ECHDC1: variants seen among roughly 807,000 people sequenced by gnomAD.
The protein encoded by ECHDC1 is ethylmalonyl-CoA decarboxylase 1.
A neutral mutation model predicts 29.7 loss-of-function variants in ECHDC1; 29 were observed. The observed-to-expected ratio is 0.98, with a 90% CI of 0.73 to 1.33. The LOEUF (loss-of-function observed/expected upper bound fraction) is 1.33, where lower values mean the gene tolerates loss of function less well. ECHDC1 is among the 40% of genes most tolerant of loss of function. The pLI, the probability that ECHDC1 is intolerant of heterozygous loss-of-function variation, is 0.00. For missense variants in ECHDC1, 328 were observed against 350.0 expected (o/e 0.94, Z 0.50); for synonymous variants, 126 against 123.1 (o/e 1.02, Z -0.15).
intron 5 of ECHDC1, among the ~76,000 whole-genome samples, chr6:127,306,315 A>G (rs1582948735): frequency 1.3e-5 from 2 of 152,294 alleles, no homozygotes; most frequent in East Asian, 3.9e-4. Context: ...ACATTATTAG[A>G]GCTAAAGTGA....
chr6:127,299,447 T>TAAA (rs78172720), intron 5 of ECHDC1, among the ~76,000 whole-genome samples: 3 of 72,752 alleles, frequency 4.1e-5, no homozygotes, highest in East Asian at 3.1e-4. Flanking sequence ...TAGCTTTTAA[T>TAAA]AAAAAAAAAA....
rs1583022645 is a variant in ECHDC1 at position 127,339,604 on chromosome 6, C to T, written c.-3+3732G>A. Among the ~76,000 whole-genome samples the T allele has an allele frequency of 2.0e-5, 3 of 151,898 alleles. No homozygotes were observed. In the East Asian group the frequency reaches 5.8e-4, roughly 29 times the overall value. ...CCTGGCCAACATGGCGAAACCCCAT[C>T]TCTACTAAAAATACAAAAATCAGCC... On this transcript the variant is annotated intron_variant, in intron 1 of 5. Coordinates refer to ENST00000454859, the MANE Select transcript of ECHDC1 (RefSeq NM_001002030.2).
chr6:127,316,982 G>A (rs1383251292), intron 3 of ECHDC1, among the ~76,000 whole-genome samples: 2 of 152,012 alleles, frequency 1.3e-5, no homozygotes, highest in Admixed American at 1.3e-4. Flanking sequence ...CAAACTCATT[G>A]CCTTGTCTTT....
At position 127,305,867 on chromosome 6, in the gene ECHDC1, A is replaced by G. The variant is rs566402181; in HGVS notation, c.497+8949T>C. ...AAATCACTGAGAACATCATCATCAC[A>G]AAAAGGAAGAAGAAAAGAAAGAGAA... On this transcript the variant is annotated intron_variant, in intron 5 of 5. Transcript: ENST00000454859. Among the ~76,000 whole-genome samples the G allele has an allele frequency of 5.3e-5, 8 of 152,194 alleles. No individual in the cohort carries two copies. In the South Asian group the frequency reaches 1.4e-3, roughly 28 times the overall value.
intron 3 of ECHDC1, among the ~76,000 whole-genome samples, chr6:127,322,026 C>G (rs1412602338): frequency 2.6e-5 from 4 of 151,900 alleles, no homozygotes; most frequent in Non-Finnish European, 5.9e-5. Context: ...AAAAAAGTAG[C>G]TAGGCCTGGT....
chr6:127,324,554 C>T (rs1201583278), intron 3 of ECHDC1, among the ~76,000 whole-genome samples: 4 of 152,194 alleles, frequency 2.6e-5, no homozygotes, highest in Non-Finnish European at 4.4e-5. Flanking sequence ...AAACACCTAA[C>T]ACCTAGATCT....
At chr6:127,312,333 A>G (rs906432367) in intron 5 of ECHDC1, among the ~76,000 whole-genome samples, 9 of 152,214 alleles carry the variant, frequency 5.9e-5, no homozygotes, top group Admixed American at 1.3e-4. Flanking sequence ...CCTCAACACC[A>G]GTCACTGTGG....
At chr6:127,333,433 T>C (rs1017755127) in intron 1 of ECHDC1, among the ~76,000 whole-genome samples, 1 of 152,128 alleles carries the variant, frequency 6.6e-6, no homozygotes, top group Non-Finnish European at 1.5e-5. Context: ...TATTTCTAGC[T>C]TTTGGCATGA....
At chr6:127,335,219 T>C (rs752256074) in intron 1 of ECHDC1, among the ~76,000 whole-genome samples, 3 of 152,140 alleles carry the variant, frequency 2.0e-5, no homozygotes, top group Non-Finnish European at 4.4e-5. Context: ...GTGTTTCCAA[T>C]GAATACTTAC....
intron 5 of ECHDC1, among the ~76,000 whole-genome samples, chr6:127,302,556 T>A (rs978202783): frequency 3.3e-5 from 5 of 151,838 alleles, no homozygotes; most frequent in Non-Finnish European, 2.9e-5. Context: ...CCTGCCACCA[T>A]GCCCGGCTAA....
chr6:127,316,309 C>T (rs912137313), intron 4 of ECHDC1, 141 bp downstream of exon 4: 26 of 639,974 alleles, frequency 4.1e-5, no homozygotes, highest in Middle Eastern at 4.5e-4. Context: ...TTATCCTCTA[C>T]GGCACAAAAA....
At chr6:127,328,755 A>G (rs566658787) in intron 2 of ECHDC1, among the ~76,000 whole-genome samples, 13 of 152,308 alleles carry the variant, frequency 8.5e-5, no homozygotes, top group East Asian at 1.9e-4. Flanking sequence ...GGCCGGGTGC[A>G]GTGGCTCACG....
intron 4 of ECHDC1, chr6:127,316,230 TTCTTA>T: frequency 2.1e-6 from 1 of 482,850 alleles, no homozygotes; most frequent in South Asian, 2.2e-5. Context: ...TCTTAAATTT[TTCTTA>T]TCTTTCATTT....
chr6:127,289,704 C>T lies in ECHDC1; in HGVS notation c.*165G>A. On this transcript the variant is annotated 3_prime_UTR_variant, in exon 6 of 6. Coordinates refer to ENST00000454859, the MANE Select transcript of ECHDC1 (RefSeq NM_001002030.2). Reference sequence around the variant, plus strand: ...AGTAAATACCCAAGTGAGTAATTGGCAAGAAATGAGGTAAATGAGTTCAGA... The same window carrying T: ...AGTAAATACCCAAGTGAGTAATTGGTAAGAAATGAGGTAAATGAGTTCAGA... The T allele has an allele frequency of 1.4e-6, 1 of 723,346 alleles. No homozygotes were observed. The highest frequency in any genetic ancestry group is 2.1e-6 in the Non-Finnish European group (1 of 472,220). The allele number at this position is 723,346 out of a possible 1,614,324, so 44.8% of individuals were successfully genotyped here. A position where few individuals can be genotyped will look rare whatever the true frequency, so the allele number is the denominator to read the frequency against.
At chr6:127,316,273 T>C (rs576038043) in intron 4 of ECHDC1, 177 bp downstream of exon 4, 1 of 558,116 alleles carries the variant, frequency 1.8e-6, no homozygotes, top group South Asian at 2.2e-5. Context: ...CATATGTATA[T>C]ACTTCATTAA....
At chr6:127,311,453 G>A (rs1781891832) in intron 5 of ECHDC1, among the ~76,000 whole-genome samples, 1 of 151,934 alleles carries the variant, frequency 6.6e-6, no homozygotes, top group Non-Finnish European at 1.5e-5. Flanking sequence ...GCAGGCCCTG[G>A]ATCACGAGGT....
intron 3 of ECHDC1, among the ~76,000 whole-genome samples, chr6:127,321,579 T>C (rs184536376): frequency 1.1e-4 from 16 of 152,366 alleles, no homozygotes; most frequent in Admixed American, 9.2e-4. Flanking sequence ...ATATGTATTG[T>C]TACAATTCTT....
chr6:127,340,360 C>A (rs1179604017), intron 1 of ECHDC1, among the ~76,000 whole-genome samples: 4 of 152,316 alleles, frequency 2.6e-5, no homozygotes, highest in Non-Finnish European at 5.9e-5. Flanking sequence ...ATGAAGGGAA[C>A]TTGCTTTCTC....
At chr6:127,318,837 G>T (rs1782605570) in intron 3 of ECHDC1, among the ~76,000 whole-genome samples, 1 of 152,188 alleles carries the variant, frequency 6.6e-6, no homozygotes, top group South Asian at 2.1e-4. Context: ...AAGCCAATGT[G>T]GAAGGAATTT....
Sources: gnomAD v4.1 joint callset for allele counts (sites outside exome capture counted in the v4.1 genomes callset) on GRCh38, gnomAD v4.1.1 for gene constraint, MANE v1.5 for transcripts, NCBI Gene and HGNC (gene_info 2026-07-23, HGNC 2026-07-21) for gene names.